The following CUL3 variants were observed in gnomAD, a reference collection of about 807,000 sequenced individuals.
CUL3 encodes cullin 3, also known as cullin-3.
CUL3 carries 19 observed loss-of-function variants against 89.1 expected under a neutral mutation model. The ratio of observed to expected loss-of-function variants is 0.21; its 90% CI spans 0.15 to 0.31. CUL3 has a LOEUF of 0.31. Ranked by LOEUF, CUL3 falls within the 10% of genes least tolerant of loss-of-function variation. The probability of loss-of-function intolerance (pLI) is 1.00; values close to 1 mark genes in which losing one functional copy is unlikely to be tolerated. For synonymous variants in CUL3, 351 were observed against 308.4 expected (o/e 1.14, Z -1.45); for missense variants, 469 against 942.3 (o/e 0.50, Z 6.58).
chr2:224,517,712 T>C (rs1042526326), intron 3 of CUL3, among the ~76,000 whole-genome samples: 3 of 152,216 alleles, frequency 2.0e-5, no homozygotes, highest in Admixed American at 6.5e-5. Flanking sequence ...ACATAATAAA[T>C]TGTCTAGCAT....
At chr2:224,522,107 A>T (rs2106238506) in intron 3 of CUL3, among the ~76,000 whole-genome samples, 1 of 152,052 alleles carries the variant, frequency 6.6e-6, no homozygotes, top group East Asian at 1.9e-4. Flanking sequence ...ACTCTATGAC[A>T]AGTCTGTCAG....
At chr2:224,500,698 T>C (rs904822957) in intron 10 of CUL3, among the ~76,000 whole-genome samples, 1 of 150,684 alleles carries the variant, frequency 6.6e-6, no homozygotes, top group African/African-American at 2.4e-5. Flanking sequence ...CGATCTCGGC[T>C]CACTGCAACC....
intron 4 of CUL3, among the ~76,000 whole-genome samples, chr2:224,514,318 CAGAAAAAA>C (rs939877959): frequency 1.6e-4 from 24 of 151,538 alleles, no homozygotes; most frequent in African/African-American, 5.8e-4. Context: ...TGTTATTACA[CAGAAAAAA>C]AGAAAAAAAT....
chr2:224,497,214 T>C (rs954057939), intron 12 of CUL3, among the ~76,000 whole-genome samples: 1 of 152,124 alleles, frequency 6.6e-6, no homozygotes, highest in Non-Finnish European at 1.5e-5. Context: ...TCATATCAAG[T>C]AATGAAAATA....
At chr2:224,504,053 C>T (rs889824240) in intron 8 of CUL3, 8 of 370,324 alleles carry the variant, frequency 2.2e-5, no homozygotes, top group South Asian at 6.1e-5. Context: ...AATTCTATTC[C>T]GTAGAGGGCT....
chr2:224,501,154 A>G (rs1279009538), intron 10 of CUL3, among the ~76,000 whole-genome samples: 2 of 152,180 alleles, frequency 1.3e-5, no homozygotes, highest in Non-Finnish European at 2.9e-5. Context: ...AAATTCTAGC[A>G]TAATATCCTT....
intron 6 of CUL3, among the ~76,000 whole-genome samples, chr2:224,508,869 G>C (rs1289236570): frequency 6.7e-6 from 1 of 150,100 alleles, no homozygotes; most frequent in African/African-American, 2.5e-5. Context: ...GGCTGAGGCA[G>C]GAGAATGGCA....
At chr2:224,516,851 G>A (rs1193273057) in intron 3 of CUL3, among the ~76,000 whole-genome samples, 1 of 146,816 alleles carries the variant, frequency 6.8e-6, no homozygotes, top group East Asian at 2.1e-4. Context: ...TTCACCATGT[G>A]GGCCAGGATG....
intron 2 of CUL3, among the ~76,000 whole-genome samples, chr2:224,542,167 A>T (rs1032178883): frequency 6.6e-6 from 1 of 152,222 alleles, no homozygotes; most frequent in Admixed American, 6.5e-5. Flanking sequence ...CCAAACAATG[A>T]AAGAATTGTT....
intron 13 of CUL3, 60 bp downstream of exon 13, chr2:224,495,772 C>A (rs2106179122): frequency 7.0e-7 from 1 of 1,418,994 alleles, no homozygotes; most frequent in South Asian, 1.3e-5. Flanking sequence ...AAGAAAGACT[C>A]AAGTAACAAG....
intron 1 of CUL3, chr2:224,569,738 T>C: frequency 1.6e-6 from 2 of 1,220,354 alleles, no homozygotes; most frequent in Non-Finnish European, 2.1e-6. Flanking sequence ...ATGAGACAAA[T>C]TAAAACTAAA....
intron 1 of CUL3, among the ~76,000 whole-genome samples, chr2:224,561,713 AG>A (rs1304946987): frequency 6.6e-6 from 1 of 152,234 alleles, no homozygotes. Flanking sequence ...ATATCCTGAT[AG>A]GATGTCATCC....
At chr2:224,560,330 A>T (rs998563145) in intron 1 of CUL3, 6 of 151,938 alleles carry the variant, frequency 3.9e-5, no homozygotes, top group Non-Finnish European at 7.4e-5. Flanking sequence ...GTTTTAAATC[A>T]ATCTTAAAAT....
At chr2:224,578,932 A>C (rs1362818161) in intron 1 of CUL3, among the ~76,000 whole-genome samples, 1 of 152,172 alleles carries the variant, frequency 6.6e-6, no homozygotes, top group Non-Finnish European at 1.5e-5. Context: ...TTCATCCCTT[A>C]ACTTCATTTA....
chr2:224,512,156 C>T (rs1342193025), intron 5 of CUL3, among the ~76,000 whole-genome samples: 29 of 151,444 alleles, frequency 1.9e-4, no homozygotes, highest in Admixed American at 1.7e-3. Context: ...AGTGCAGTGG[C>T]GCGATCTCAG....
In CUL3 at chr2:224,508,109, A is replaced by AT. The variant is rs34859247; in HGVS notation, c.884-1107dup. ...AAATTTTCATGTGTAAATACTCTTG[A>AT]TTTTTTTTTTTTTTTTAACAAAACT... is the stretch of plus-strand genomic sequence containing the variant. On this transcript the variant is annotated intron_variant, in intron 6 of 15. Coordinates refer to ENST00000264414, the MANE Select transcript of CUL3 (RefSeq NM_003590.5). Among the ~76,000 whole-genome samples, 393 of 146,908 alleles carry AT rather than the reference A, an allele frequency of 2.7e-3. 5 individuals carry two copies. The highest frequency in any genetic ancestry group is 8.5e-3 in the African/African-American group (340 of 39,990).
intron 1 of CUL3, among the ~76,000 whole-genome samples, chr2:224,579,419 A>G (rs1010507943): frequency 4.6e-5 from 7 of 152,186 alleles, no homozygotes; most frequent in Admixed American, 4.6e-4. Flanking sequence ...TAAGAAAGAG[A>G]AACCTACTAT....
intron 13 of CUL3, among the ~76,000 whole-genome samples, chr2:224,490,138 A>T (rs1307486804): frequency 6.6e-6 from 1 of 152,142 alleles, no homozygotes; most frequent in Non-Finnish European, 1.5e-5. Flanking sequence ...GCAAATCAAA[A>T]CCACAATGAG....
At chr2:224,504,015 G>A (rs936664027) in intron 8 of CUL3, 193 bp from the exon 9 acceptor site, 1 of 459,968 alleles carries the variant, frequency 2.2e-6, no homozygotes, top group East Asian at 3.4e-5. Flanking sequence ...TTCTCATTTA[G>A]TGCATCATGA....
Sources: gnomAD v4.1 joint callset for allele counts (sites outside exome capture counted in the v4.1 genomes callset) on GRCh38, gnomAD v4.1.1 for gene constraint, MANE v1.5 for transcripts, NCBI Gene and HGNC (gene_info 2026-07-23, HGNC 2026-07-21) for gene names.